MAPKBP1: variants seen among roughly 807,000 people sequenced by gnomAD.
MAPKBP1 encodes the protein mitogen-activated protein kinase-binding protein 1.
A neutral mutation model predicts 170.5 loss-of-function variants in MAPKBP1; 71 were observed. The ratio of observed to expected loss-of-function variants is 0.42; its 90% CI spans 0.34 to 0.51. MAPKBP1 has a LOEUF of 0.51. MAPKBP1 is among the 20% of genes least tolerant of loss of function. MAPKBP1 has a pLI of 0.06. For synonymous variants in MAPKBP1, 719 were observed against 757.9 expected, an observed-to-expected ratio of 0.95 and a Z score of 0.84; for missense variants, 1,598 against 1,933.0, an observed-to-expected ratio of 0.83 and a Z score of 3.25.
At chr15:41,793,046 C>T (rs1596071376) in intron 2 of MAPKBP1, among the ~76,000 whole-genome samples, 2 of 152,138 alleles carry the variant, frequency 1.3e-5, no homozygotes, top group African/African-American at 4.8e-5. Flanking sequence ...TAGATAATGT[C>T]AGGACAGATT....
At chr15:41,777,023 A>T (rs2064109426) in intron 2 of MAPKBP1, among the ~76,000 whole-genome samples, 1 of 152,158 alleles carries the variant, frequency 6.6e-6, no homozygotes, top group Admixed American at 6.5e-5. Context: ...AGGGGAGGCG[A>T]CCTAAGTCAG....
rs2065116477 is a variant in MAPKBP1, at chr15:41,827,095, A to T, written c.*1659A>T. The T allele has an allele frequency of 6.6e-6, 1 of 150,498 alleles. No homozygotes were observed. The highest frequency in any genetic ancestry group is 1.5e-5 in the Non-Finnish European group (1 of 67,756). 9.3% of individuals were successfully genotyped at this position (150,498 alleles called of 1,614,324 possible). On this transcript the variant is annotated 3_prime_UTR_variant, in exon 31 of 31. Transcript: ENST00000457542. ...TGGATCACCTGAGGTTAGGAGTTCG[A>T]GATCAGCCTGGCCAACATGGTGAAA... is the stretch of plus-strand genomic sequence containing the variant.
intron 2 of MAPKBP1, 31 bp from the exon 3 acceptor site, chr15:41,799,792 G>A: frequency 6.3e-7 from 1 of 1,579,806 alleles, no homozygotes; most frequent in Non-Finnish European, 8.7e-7. Context: ...CACTCTGTCT[G>A]TAACATGTCA....
intron 2 of MAPKBP1, among the ~76,000 whole-genome samples, chr15:41,784,780 CAAAAAAAAAAA>C (rs35050206): frequency 1.1e-5 from 1 of 94,864 alleles, no homozygotes. Context: ...GACTCCGTCT[CAAAAAAAAAAA>C]AAAAAAAAAA....
In MAPKBP1 at chr15:41,819,547, C is replaced by CGGGGGGGGGGGGGGGGGGG. The variant is rs3034893; in HGVS notation, c.2426-38_2426-37insGGGGGGGGGGGGGGGGGGG. ...GGGCCAGGGCTCCAGGGTTGGGTGG[C>CGGGGGGGGGGGGGGGGGGG]GGGGGGGGGGCAGGAGACACTTCCT... On this transcript the variant is annotated intron_variant, in intron 21 of 30. Transcript: ENST00000457542. 1.1e-5 allele frequency: 14 copies of CGGGGGGGGGGGGGGGGGGG among 1,235,760 alleles called. No individual in the cohort carries two copies. The African/African-American group carries it at 1.3e-4, about 11-fold the overall frequency. The allele number at this position is 1,235,760 out of a possible 1,614,324, so 76.5% of individuals were successfully genotyped here.
intron 3 of MAPKBP1, among the ~76,000 whole-genome samples, chr15:41,809,228 G>A (rs1567146500): frequency 6.6e-6 from 1 of 151,770 alleles, no homozygotes; most frequent in Non-Finnish European, 1.5e-5. Flanking sequence ...AAAAAACAGA[G>A]AAAGGAAACA....
At chr15:41,796,637 G>A (rs2064495637) in intron 2 of MAPKBP1, among the ~76,000 whole-genome samples, 1 of 152,086 alleles carries the variant, frequency 6.6e-6, no homozygotes, top group South Asian at 2.1e-4. Context: ...TAGAAAGCCA[G>A]AAAAAGCCAA....
intron 2 of MAPKBP1, among the ~76,000 whole-genome samples, chr15:41,793,257 A>G (rs980436730): frequency 6.6e-6 from 1 of 152,058 alleles, no homozygotes; most frequent in African/African-American, 2.4e-5. Flanking sequence ...GGAGGCCGAG[A>G]TGGGTGGATC....
intron 2 of MAPKBP1, among the ~76,000 whole-genome samples, chr15:41,789,470 C>T (rs1015947313): frequency 1.3e-5 from 2 of 152,318 alleles, no homozygotes; most frequent in South Asian, 4.1e-4. Context: ...GATGACTGTA[C>T]TATTAATATA....
intron 2 of MAPKBP1, among the ~76,000 whole-genome samples, chr15:41,782,028 C>T (rs1028013475): frequency 1.4e-5 from 2 of 146,864 alleles, no homozygotes; most frequent in East Asian, 2.0e-4. Flanking sequence ...GCGGGCGGAT[C>T]ATGAGGTCAG....
Position 41,808,105 on chromosome 15 carries a change from CTTTT to C in MAPKBP1, c.207-2763_207-2760del, listed in dbSNP as rs544983500. 6.2e-3 allele frequency among the ~76,000 whole-genome samples: 675 copies of C among 109,444 alleles called. 6 individuals are homozygous for C. Among genetic ancestry groups the C allele is most frequent in the African/African-American group, 0.021 (636 of 30,464 alleles). The allele number at this position is 109,444 out of a possible 152,430, so 71.8% of individuals were successfully genotyped here. A position where few individuals can be genotyped will look rare whatever the true frequency, so the allele number is the denominator to read the frequency against. ...CTCTTATAATTTTCTTTCTTTCTTT[CTTTT>C]TTTTTTTTTTTTTTGTAGACCTAGT... On this transcript the variant is annotated intron_variant, in intron 3 of 30. Transcript: ENST00000457542.
intron 10 of MAPKBP1, 83 bp downstream of exon 10, chr15:41,814,822 T>A (rs565549341): frequency 6.7e-7 from 1 of 1,503,286 alleles, no homozygotes; most frequent in African/African-American, 1.4e-5. Context: ...GATCCCCAAG[T>A]ATAATCTTAG....
chr15:41,803,434 A>AAAAG lies in MAPKBP1; in HGVS notation c.206+3521_206+3522insAAGA, dbSNP rs58804270. Among the ~76,000 whole-genome samples the AAAAG allele has an allele frequency of 1.4e-3, 127 of 90,704 alleles. 1 individual carries two copies. The highest frequency in any genetic ancestry group is 1.7e-3 in the Admixed American group (11 of 6,340). 59.5% of individuals were successfully genotyped at this position (90,704 alleles called of 152,430 possible). A position where few individuals can be genotyped will look rare whatever the true frequency, so the allele number is the denominator to read the frequency against. On this transcript the variant is annotated intron_variant, in intron 3 of 30. Coordinates refer to ENST00000457542, the MANE Select transcript of MAPKBP1 (RefSeq NM_014994.3). ...ATCTCAAAAAAAAAAAAAAAAAAAA[A>AAAAG]AGGTTAAGCAGGCAGGGTGCAGTGG...
At position 41,820,812 on chromosome 15, in the gene MAPKBP1, C is replaced by G. The variant is rs574365248; in HGVS notation, c.2482-20C>G. 26 of 1,590,950 alleles carry G rather than the reference C, an allele frequency of 1.6e-5. No homozygotes were observed. In the South Asian group the frequency reaches 2.6e-4, roughly 16 times the overall value. ...TGTGTGGTTGTTGTTACTCCTCCCC[C>G]ACCCCCTACCTCCCACCAGGCACAG... On this transcript the variant is annotated intron_variant, in intron 22 of 30. Transcript: ENST00000457542.
At chr15:41,776,568 C>T (rs770495176) in intron 2 of MAPKBP1, among the ~76,000 whole-genome samples, 1 of 152,166 alleles carries the variant, frequency 6.6e-6, no homozygotes, top group Non-Finnish European at 1.5e-5. Flanking sequence ...CTGAGGCAGG[C>T]AAAGAAGCCT....
rs898149681 is a variant in MAPKBP1, at chr15:41,826,108, ACT to A, written c.*676_*677del. On this transcript the variant is annotated 3_prime_UTR_variant, in exon 31 of 31. Transcript: ENST00000457542. ...GCATTGTATTTCCCTGTGACCCCTT[ACT>A]CTCCTGGCCAGAACTTGAGCCAGCT... 4.6e-5 allele frequency: 7 copies of A among 152,526 alleles called. No homozygotes were observed. Among genetic ancestry groups the A allele is most frequent in the Non-Finnish European group, 8.8e-5 (6 of 68,074 alleles). 9.4% of individuals were successfully genotyped at this position (152,526 alleles called of 1,614,324 possible).
At chr15:41,788,009 G>A (rs1016027878) in intron 2 of MAPKBP1, among the ~76,000 whole-genome samples, 3 of 152,038 alleles carry the variant, frequency 2.0e-5, no homozygotes, top group African/African-American at 7.3e-5. Flanking sequence ...CCAGGCTGGA[G>A]TGCAGTGGCA....
At chr15:41,806,812 C>T (rs1009259427) in intron 3 of MAPKBP1, among the ~76,000 whole-genome samples, 7 of 152,116 alleles carry the variant, frequency 4.6e-5, no homozygotes, top group African/African-American at 7.2e-5. Context: ...AACTGTGCCC[C>T]GCACTCCTCT....
intron 3 of MAPKBP1, among the ~76,000 whole-genome samples, chr15:41,807,305 AG>A (rs1006667853): frequency 7.2e-5 from 11 of 152,250 alleles, no homozygotes; most frequent in African/African-American, 2.4e-4. Flanking sequence ...ATTGTGTCCC[AG>A]GAAGACTGAG....
Sources: gnomAD v4.1 joint callset for allele counts (sites outside exome capture counted in the v4.1 genomes callset) on GRCh38, gnomAD v4.1.1 for gene constraint, MANE v1.5 for transcripts, NCBI Gene and HGNC (gene_info 2026-07-23, HGNC 2026-07-21) for gene names.